The following CAPN13 variants were observed in gnomAD, a reference collection of about 807,000 sequenced individuals.
CAPN13 encodes the protein calpain-13.
CAPN13 carries 90 observed loss-of-function variants against 98.4 expected under a neutral mutation model. The ratio of observed to expected loss-of-function variants is 0.92; its 90% CI spans 0.77 to 1.09. CAPN13 has a LOEUF of 1.09. Ranked by LOEUF, CAPN13 falls within the 50% of genes least tolerant of loss-of-function variation. The pLI is 0.00. For missense variants in CAPN13, 887 were observed against 841.3 expected (o/e 1.05, Z -0.67); for synonymous variants, 330 against 305.5 (o/e 1.08, Z -0.84).
intron 1 of CAPN13, among the ~76,000 whole-genome samples, chr2:30,795,995 T>C (rs1189554087): frequency 6.6e-6 from 1 of 151,690 alleles, no homozygotes; most frequent in Non-Finnish European, 1.5e-5. Flanking sequence ...TGCAGAGAAA[T>C]ACTTTGAGTA....
intron 1 of CAPN13, among the ~76,000 whole-genome samples, chr2:30,798,726 C>A (rs1043923395): frequency 6.6e-6 from 1 of 152,138 alleles, no homozygotes; most frequent in African/African-American, 2.4e-5. Flanking sequence ...GACGGTTTTC[C>A]CCTTAACAAA....
At chr2:30,776,302 G>C (rs1263922581) in intron 3 of CAPN13, among the ~76,000 whole-genome samples, 1 of 152,120 alleles carries the variant, frequency 6.6e-6, no homozygotes, top group African/African-American at 2.4e-5. Flanking sequence ...CGCGCTCTGG[G>C]CTCACTGCAA....
At chr2:30,777,713 T>C in intron 2 of CAPN13, 74 bp from the exon 3 acceptor site, 1 of 1,237,936 alleles carries the variant, frequency 8.1e-7, no homozygotes, top group Non-Finnish European at 1.2e-6. Flanking sequence ...ATTCACTTTG[T>C]CTTTCAAGGG....
Position 30,743,437 on chromosome 2 carries a change from C to G in CAPN13, c.1391G>C (p.Arg464Thr). 6.2e-7 allele frequency: 1 copy of G among 1,614,046 alleles called. No homozygotes were observed. Among genetic ancestry groups the G allele is most frequent in the Non-Finnish European group, 8.5e-7 (1 of 1,179,886 alleles). Residue 464 changes from arginine to threonine, a missense_variant, in exon 13 of 23, where the codon AGA becomes ACA. By Grantham distance (71) the Arg-to-Thr change is moderately conservative. Coordinates refer to ENST00000295055, the MANE Select transcript of CAPN13 (RefSeq NM_144575.3). The part of the protein sequence containing the change: ...GNYVVVAQTR[R>T]KSAEFLLRIF... ...TCGGAGCAAGAACTCCGCTGATTTT[C>G]TCCGTGTCTGTGCAACCACAACATA...
intron 1 of CAPN13, among the ~76,000 whole-genome samples, chr2:30,797,072 C>T (rs564144231): frequency 6.6e-6 from 1 of 152,222 alleles, no homozygotes; most frequent in Admixed American, 6.5e-5. Context: ...GGGAGGCAGT[C>T]CAGCTAAATA....
At chr2:30,771,576 T>C (rs1440172531) in intron 4 of CAPN13, among the ~76,000 whole-genome samples, 2 of 152,152 alleles carry the variant, frequency 1.3e-5, no homozygotes, top group Non-Finnish European at 2.9e-5. Flanking sequence ...GGCAGTGAGG[T>C]TGAGAGGCAA....
chr2:30,759,753 G>T (rs1249028806), intron 7 of CAPN13, among the ~76,000 whole-genome samples: 1 of 152,152 alleles, frequency 6.6e-6, no homozygotes, highest in African/African-American at 2.4e-5. Context: ...CTAAAGTCCG[G>T]GCTCCTAGTT....
rs925317362 is a variant in CAPN13 at position 30,725,541 on chromosome 2, C to A, written c.*31-2305G>T. ...GTTTTGTAGGGAGTGACCTGGAAAC[C>A]AAGTAGACTGGTGATGGAGCTCCAA... On this transcript the variant is annotated intron_variant, in intron 22 of 22. Transcript: ENST00000295055. Among the ~76,000 whole-genome samples the A allele has an allele frequency of 2.3e-4, 35 of 152,148 alleles. 2 individuals are homozygous for A. Among genetic ancestry groups the A allele is most frequent in the Non-Finnish European group, 1.0e-4 (7 of 68,028 alleles).
At chr2:30,749,962 A>G (rs978240380) in intron 11 of CAPN13, among the ~76,000 whole-genome samples, 3 of 152,224 alleles carry the variant, frequency 2.0e-5, no homozygotes, top group Non-Finnish European at 4.4e-5. Flanking sequence ...TACTGGGTAT[A>G]TACCCAAAGG....
rs201062209 is a variant in CAPN13, at chr2:30,743,579, G to A, written c.1249C>T (p.Arg417Trp). 1.6e-5 allele frequency: 26 copies of A among 1,613,718 alleles called. No homozygotes were observed. The highest frequency in any genetic ancestry group is 1.6e-4 in the African/African-American group (12 of 75,028). ...DFQVILAGSQ[R>W]FREKFPPVFF... is the part of the protein sequence containing the mutation. ...ACGGGTGGAAATTTCTCCCGGAACC[G>A]CTGGAATTAGAGGAAACACAATGAT... The change falls in exon 13 of 23, where the codon CGG becomes TGG. Residue 417 changes from arginine (R) to tryptophan (W), a missense_variant and splice_region_variant. Transcript: ENST00000295055.
rs757421069 is a variant in CAPN13 at position 30,796,172 on chromosome 2, G to GTA, written c.-32-8817_-32-8816dup. Reference sequence around the variant, plus strand: ...TATATATATATACATATATATGTGTGTATATATATATACATATATATGTGT... The same window carrying GTA: ...TATATATATATACATATATATGTGTGTATATATATATATACATATATATGTGT... On this transcript the variant is annotated intron_variant, in intron 1 of 22. Transcript: ENST00000295055. Among the ~76,000 whole-genome samples, 1,327 of 136,228 alleles carry GTA rather than the reference G, an allele frequency of 9.7e-3. 26 individuals carry two copies. Among genetic ancestry groups the GTA allele is most frequent in the East Asian group, 0.088 (435 of 4,958 alleles). The allele number at this position is 136,228 out of a possible 152,430, so 89.4% of individuals were successfully genotyped here.
intron 9 of CAPN13, 64 bp from the exon 10 acceptor site, chr2:30,753,262 A>C (rs560165160): frequency 6.4e-7 from 1 of 1,554,028 alleles, no homozygotes; most frequent in African/African-American, 1.3e-5. Flanking sequence ...GGGGGTTCCT[A>C]TGACTTCACA....
chr2:30,731,477 C>G, intron 20 of CAPN13, 78 bp from the exon 21 acceptor site: 1 of 1,261,436 alleles, frequency 7.9e-7, no homozygotes. Context: ...GGCCTGGGCC[C>G]ATAAGAAGCA....
rs1348229121 is a variant in CAPN13 at position 30,758,125 on chromosome 2, T to G, written c.787A>C (p.Arg263=). Residue 263 remains arginine (R), a synonymous_variant, in exon 8 of 23, where the codon AGG becomes CGG. Coordinates refer to ENST00000295055, the MANE Select transcript of CAPN13 (RefSeq NM_144575.3). ...AGGGAGATAATTTCTTCCCAGCCCCTTCGGTATTGAATCTGTAAAGAAAAC... is the reference window on the plus strand; with the variant it reads ...AGGGAGATAATTTCTTCCCAGCCCCGTCGGTATTGAATCTGTAAAGAAAAC... ...VTGAEQIQYR[R]GWEEIISLWN... The G allele has an allele frequency of 6.2e-7, 1 of 1,602,914 alleles. No homozygotes were observed.
intron 2 of CAPN13, among the ~76,000 whole-genome samples, chr2:30,782,110 C>T (rs563450692): frequency 3.9e-5 from 6 of 152,110 alleles, no homozygotes; most frequent in East Asian, 1.9e-4. Context: ...TTAGAAAATA[C>T]GCTCTCTGAT....
intron 22 of CAPN13, 23 bp from the exon 23 acceptor site, chr2:30,723,259 A>C (rs944091722): frequency 6.6e-6 from 1 of 152,394 alleles, no homozygotes; most frequent in Non-Finnish European, 1.5e-5. Flanking sequence ...ACGGGGGTGC[A>C]AATGCAGAGG....
Position 30,731,359 on chromosome 2 carries a change from G to C in CAPN13, c.1968C>G (p.Tyr656Ter). The part of the protein sequence containing the change: ...RNLSKDGKGL[Y>*]LTEMEWMSLV... ...GGTACCTCACCTCCATTTCTGTCAG[G>C]TAGAGTCCTTTTCCATCCTTAGAGA... The change falls in exon 21 of 23, where the codon TAC becomes TAG. Residue 656 changes from tyrosine (Y) to a stop codon, truncating the protein, a stop_gained. Transcript: ENST00000295055. LOFTEE classifies it high-confidence loss of function. The C allele has an allele frequency of 6.2e-7, 1 of 1,611,162 alleles. No homozygotes were observed. The highest frequency in any genetic ancestry group is 8.5e-7 in the Non-Finnish European group (1 of 1,178,562).
chr2:30,769,324 C>T (rs2148034527), intron 5 of CAPN13, among the ~76,000 whole-genome samples: 1 of 152,214 alleles, frequency 6.6e-6, no homozygotes, highest in Non-Finnish European at 1.5e-5. Context: ...GTGCACACTC[C>T]CTCCCGTGCT....
At chr2:30,762,499 C>T (rs1275247040) in intron 7 of CAPN13, among the ~76,000 whole-genome samples, 1 of 152,102 alleles carries the variant, frequency 6.6e-6, no homozygotes, top group Non-Finnish European at 1.5e-5. Context: ...CCAATTCATG[C>T]CTTCTATATG....
Sources: gnomAD v4.1 joint callset for allele counts (sites outside exome capture counted in the v4.1 genomes callset) on GRCh38, gnomAD v4.1.1 for gene constraint, MANE v1.5 for transcripts, NCBI Gene and HGNC (gene_info 2026-07-23, HGNC 2026-07-21) for gene names.